The following OTOG variants were observed in gnomAD, a reference collection of about 807,000 sequenced individuals.
OTOG encodes otogelin.
Under a neutral mutation model 313.8 loss-of-function variants are expected in OTOG, and 296 were observed. The observed-to-expected ratio is 0.94, with a 90% confidence interval of 0.86 to 1.04. OTOG has a LOEUF of 1.04. Ranked by LOEUF, OTOG falls within the 50% of genes least tolerant of loss-of-function variation. OTOG has a pLI of 0.00. For synonymous variants in OTOG, 1,533 were observed against 1,554.9 expected, an observed-to-expected ratio of 0.99 and a Z score of 0.33; for missense variants, 3,948 against 3,840.1, an observed-to-expected ratio of 1.03 and a Z score of -0.74.
intron 24 of OTOG, among the ~76,000 whole-genome samples, chr11:17,587,635 C>T (rs771961782): frequency 2.0e-5 from 3 of 152,194 alleles, no homozygotes; most frequent in Middle Eastern, 3.2e-3. Context: ...GTGTTAGAAG[C>T]AGGGTCACGG....
intron 15 of OTOG, 149 bp from the exon 16 acceptor site, chr11:17,569,007 G>A (rs1852349747): frequency 2.1e-6 from 2 of 950,370 alleles, no homozygotes; most frequent in African/African-American, 1.7e-5. Flanking sequence ...TATTTGGTTG[G>A]ATGATCCCTG....
In OTOG at chr11:17,578,420, C is replaced by A. The variant is rs1358167407; in HGVS notation, c.2653C>A (p.His885Asn). The A allele has an allele frequency of 5.8e-6, 9 of 1,540,978 alleles. No individual in the cohort carries two copies. In the South Asian group the frequency reaches 8.3e-5, roughly 14 times the overall value. The change falls in exon 23 of 56, where the codon CAC (histidine) becomes AAC (asparagine). Residue 885 changes from histidine (H) to asparagine (N), a missense_variant. His to Asn is a moderately conservative substitution (Grantham distance 68, BLOSUM62 1). Coordinates refer to ENST00000399397, the MANE Select transcript of OTOG (RefSeq NM_001292063.2). The stretch of plus-strand genomic sequence containing the variant: ...GGTCTTCGTGAACTGCAGCGACCTG[C>A]ACACGGACCTGGAGCTGAGCAGGGA... ...GQVFVNCSDLHTDLELSRERT... is the reference protein window; with the variant it reads ...GQVFVNCSDLNTDLELSRERT...
In OTOG at chr11:17,586,523, A is replaced by T. The variant is rs576024145; in HGVS notation, c.2809A>T (p.Thr937Ser). ...TTTCCTGCCAGAGGAGTGCCCCTGCACTTGGAAGGGGAAGGAGTATTTCCC... is the reference window on the plus strand; with the variant it reads ...TTTCCTGCCAGAGGAGTGCCCCTGCTCTTGGAAGGGGAAGGAGTATTTCCC... The part of the protein sequence containing the change: ...ACFLPEECPC[T>S]WKGKEYFPGD... The change falls in exon 24 of 56, where the codon ACT becomes TCT. Residue 937 changes from threonine to serine, a missense_variant. By Grantham distance (58) the Thr-to-Ser change is moderately conservative. Coordinates refer to ENST00000399397, the MANE Select transcript of OTOG (RefSeq NM_001292063.2). 6.9e-7 allele frequency: 1 copy of T among 1,455,592 alleles called. No individual in the cohort carries two copies. Among genetic ancestry groups the T allele is most frequent in the South Asian group, 1.5e-5 (1 of 68,340 alleles). The allele number at this position is 1,455,592 out of a possible 1,614,324, so 90.2% of individuals were successfully genotyped here. A position where few individuals can be genotyped will look rare whatever the true frequency, so the allele number is the denominator to read the frequency against.
At chr11:17,565,939 C>T (rs1487393283) in intron 15 of OTOG, among the ~76,000 whole-genome samples, 2 of 152,148 alleles carry the variant, frequency 1.3e-5, no homozygotes, top group African/African-American at 2.4e-5. Context: ...ATTCATTTCT[C>T]CAAAAATATT....
At chr11:17,612,482 G>T in intron 37 of OTOG, 138 bp from the exon 38 acceptor site, 1 of 1,383,190 alleles carries the variant, frequency 7.2e-7, no homozygotes, top group Non-Finnish European at 9.6e-7. Context: ...TCTGTGTGAT[G>T]CGTGGTCTGA....
In OTOG at chr11:17,578,375, G is replaced by T; in HGVS notation, c.2608G>T (p.Ala870Ser). The T allele has an allele frequency of 6.6e-7, 1 of 1,506,882 alleles. No individual in the cohort carries two copies. Among genetic ancestry groups the T allele is most frequent in the Non-Finnish European group, 8.9e-7 (1 of 1,127,744 alleles). 93.3% of individuals were successfully genotyped at this position (1,506,882 alleles called of 1,614,324 possible). Residue 870 changes from alanine to serine, a missense_variant and splice_region_variant, in exon 23 of 56, where the codon GCT (alanine) becomes TCT (serine). Physicochemically the swap from Ala to Ser is moderately conservative, Grantham distance 99. Coordinates refer to ENST00000399397, the MANE Select transcript of OTOG (RefSeq NM_001292063.2). Reference protein sequence around the residue: ...VMSCDSRAPAAACPAGQVFVN... With the variant: ...VMSCDSRAPASACPAGQVFVN... The stretch of plus-strand genomic sequence containing the variant: ...GCTCCCATCTTCTTCTCTTCCAGCT[G>T]CTGCCTGCCCAGCAGGCCAGGTCTT...
chr11:17,564,841 C>T (rs1386804353), intron 15 of OTOG, among the ~76,000 whole-genome samples: 1 of 152,200 alleles, frequency 6.6e-6, no homozygotes, highest in Non-Finnish European at 1.5e-5. Context: ...GAATCCACAG[C>T]CAGCAGGAGG....
chr11:17,586,418 G>C (rs1450767133), intron 23 of OTOG, 56 bp from the exon 24 acceptor site: 2 of 1,113,326 alleles, frequency 1.8e-6, no homozygotes, highest in African/African-American at 3.3e-5. Context: ...GTCCTCCACA[G>C]ATGGCAGCTA....
chr11:17,576,795 G>C, intron 21 of OTOG, 73 bp from the exon 22 acceptor site: 2 of 1,524,326 alleles, frequency 1.3e-6, no homozygotes, highest in Admixed American at 3.9e-5. Flanking sequence ...AGTGACCCGA[G>C]TGCAGCAACA....
chr11:17,587,996 C>T (rs905275774), intron 24 of OTOG, among the ~76,000 whole-genome samples: 1 of 152,148 alleles, frequency 6.6e-6, no homozygotes. Context: ...TGAATCCTCT[C>T]CTGTGAGTGC....
chr11:17,599,627 G>C, intron 30 of OTOG, 44 bp from the exon 31 acceptor site: 9 of 1,549,084 alleles, frequency 5.8e-6, no homozygotes, highest in Non-Finnish European at 7.9e-6. Context: ...TCTGTTCCAG[G>C]CTCTGGGCTG....
chr11:17,597,035 G>A, intron 30 of OTOG, 28 bp downstream of exon 30: 1 of 1,547,638 alleles, frequency 6.5e-7, no homozygotes, highest in Non-Finnish European at 8.7e-7. Flanking sequence ...TCACCTGAGG[G>A]GACAGAGTAG....
chr11:17,590,909 T>G (rs1452682817), intron 24 of OTOG, among the ~76,000 whole-genome samples: 1 of 152,204 alleles, frequency 6.6e-6, no homozygotes, highest in Non-Finnish European at 1.5e-5. Flanking sequence ...TATTTAAAAT[T>G]GTAACCCACT....
chr11:17,578,100 A>T (rs1852578220), intron 22 of OTOG, among the ~76,000 whole-genome samples: 1 of 152,136 alleles, frequency 6.6e-6, no homozygotes, highest in Admixed American at 6.5e-5. Flanking sequence ...AGGATTCAAT[A>T]TGATGATGCA....
chr11:17,636,525 G>A (rs2133712352), intron 47 of OTOG, among the ~76,000 whole-genome samples: 1 of 152,288 alleles, frequency 6.6e-6, no homozygotes, highest in African/African-American at 2.4e-5. Context: ...GGTTCAATGT[G>A]AAGAGCCACC....
chr11:17,567,204 C>T (rs1852308741), intron 15 of OTOG, among the ~76,000 whole-genome samples: 2 of 152,224 alleles, frequency 1.3e-5, no homozygotes, highest in Non-Finnish European at 2.9e-5. Flanking sequence ...ACACAGGTGA[C>T]ATGTCCAGAG....
At chr11:17,559,221 C>A in intron 11 of OTOG, 60 bp downstream of exon 11, 3 of 1,255,766 alleles carry the variant, frequency 2.4e-6, no homozygotes, top group Non-Finnish European at 3.3e-6. Context: ...CATTCTCAGG[C>A]CTCAGCTCAA....
chr11:17,635,777 G>T, intron 47 of OTOG, 66 bp downstream of exon 47: 2 of 1,299,158 alleles, frequency 1.5e-6, no homozygotes, highest in Non-Finnish European at 1.1e-6. Flanking sequence ...TTCCCACCCC[G>T]GACCAATGGG....
intron 39 of OTOG, among the ~76,000 whole-genome samples, chr11:17,622,948 T>C (rs1853899035): frequency 6.6e-6 from 1 of 152,200 alleles, no homozygotes; most frequent in African/African-American, 2.4e-5. Flanking sequence ...GAGAACTAAT[T>C]TACATTCCCA....
Sources: allele counts gnomAD v4.1 joint callset (sites outside exome capture counted in the v4.1 genomes callset), GRCh38; gene constraint gnomAD v4.1.1; transcripts MANE v1.5; gene names NCBI Gene and HGNC (gene_info 2026-07-23, HGNC 2026-07-21).